MAGI2: variants seen among roughly 807,000 people sequenced by gnomAD.
MAGI2 encodes the protein membrane associated guanylate kinase, WW and PDZ domain containing 2, also known as membrane-associated guanylate kinase, WW and PDZ domain-containing protein 2.
A neutral mutation model predicts 133.3 loss-of-function variants in MAGI2; 35 were observed. That is an observed-to-expected ratio of 0.26 (90% CI 0.20 to 0.35). The LOEUF (loss-of-function observed/expected upper bound fraction) is 0.35, where lower values mean the gene tolerates loss of function less well. MAGI2 is among the 10% of genes least tolerant of loss of function. The pLI, the probability that MAGI2 is intolerant of heterozygous loss-of-function variation, is 1.00. For missense variants in MAGI2, 1,636 were observed against 1,863.4 expected (o/e 0.88, Z 2.25); for synonymous variants, 729 against 710.6 (o/e 1.03, Z -0.41).
rs145610661 is a variant in MAGI2 at position 78,783,787 on chromosome 7, A to G, written c.419-156548T>C. Among the ~76,000 whole-genome samples the G allele has an allele frequency of 4.5e-4, 69 of 152,334 alleles. 1 individual carries two copies. The East Asian group carries it at 9.3e-3, about 20-fold the overall frequency. ...GCTGTACTGACGAACACCTGTGTAC[A>G]TTGTTAAATAGCAAAATAACTACTG... On this transcript the variant is annotated intron_variant, in intron 2 of 21. Transcript: ENST00000354212.
chr7:78,977,497 AAGAAAGAAAGAAAGAAAG>A (rs1244544516), intron 2 of MAGI2, among the ~76,000 whole-genome samples: 5 of 51,276 alleles, frequency 9.8e-5, no homozygotes, highest in Non-Finnish European at 2.8e-4. Context: ...GAAAGAAAGA[AAGAAAGAAAGAAAGAAAG>A]AAAGAAAGAA....
At chr7:78,070,190 T>TACAC (rs1198393748) in intron 21 of MAGI2, among the ~76,000 whole-genome samples, 2 of 35,698 alleles carry the variant, frequency 5.6e-5, no homozygotes, top group African/African-American at 1.5e-4. Flanking sequence ...TATATATATA[T>TACAC]ATATATATAT....
chr7:78,613,212 A>C (rs562193952), intron 3 of MAGI2, among the ~76,000 whole-genome samples: 1 of 152,334 alleles, frequency 6.6e-6, no homozygotes, highest in East Asian at 1.9e-4. Flanking sequence ...GCCAAACTAC[A>C]CAATCTTCAT....
chr7:79,357,348 C>A (rs769615705), intron 1 of MAGI2, among the ~76,000 whole-genome samples: 61 of 152,082 alleles, frequency 4.0e-4, no homozygotes, highest in Non-Finnish European at 8.5e-4. Context: ...GGGCTCACAG[C>A]AGAGTAAGCT....
At chr7:78,797,376 G>A (rs1787702122) in intron 2 of MAGI2, among the ~76,000 whole-genome samples, 1 of 152,036 alleles carries the variant, frequency 6.6e-6, no homozygotes, top group African/African-American at 2.4e-5. Context: ...AATATATTAT[G>A]TGTGAGCTCT....
Position 78,412,385 on chromosome 7 carries a change from G to GAAT in MAGI2, c.1046-43175_1046-43173dup, listed in dbSNP as rs1797948385. On this transcript the variant is annotated intron_variant, in intron 6 of 21. Coordinates refer to ENST00000354212, the MANE Select transcript of MAGI2 (RefSeq NM_012301.4). ...GGCATAAATGATCACGGTGCTTGAG[G>GAAT]AATTACATGAGGAAGGGATTCCTTT... 2.0e-5 allele frequency among the ~76,000 whole-genome samples: 3 copies of GAAT among 152,150 alleles called. No individual in the cohort carries two copies. In the South Asian group the frequency reaches 6.2e-4, roughly 32 times the overall value.
At chr7:78,925,356 C>T (rs1799614189) in intron 2 of MAGI2, among the ~76,000 whole-genome samples, 1 of 152,018 alleles carries the variant, frequency 6.6e-6, no homozygotes, top group South Asian at 2.1e-4. Flanking sequence ...ATTTGATATA[C>T]TTTTAAAGTT....
At chr7:78,700,874 T>C (rs1265188779) in intron 2 of MAGI2, among the ~76,000 whole-genome samples, 2 of 151,774 alleles carry the variant, frequency 1.3e-5, no homozygotes, top group Non-Finnish European at 2.9e-5. Context: ...GCATAATTTT[T>C]ACTTAAGCAA....
chr7:78,994,616 A>G (rs1806105999), intron 2 of MAGI2, among the ~76,000 whole-genome samples: 1 of 152,124 alleles, frequency 6.6e-6, no homozygotes, highest in African/African-American at 2.4e-5. Context: ...AACATAATAC[A>G]TCACACAAAT....
chr7:79,284,981 A>G (rs1835900031), intron 1 of MAGI2, among the ~76,000 whole-genome samples: 1 of 151,954 alleles, frequency 6.6e-6, no homozygotes, highest in South Asian at 2.1e-4. Flanking sequence ...AAAAATTATA[A>G]ATAATATAAG....
intron 2 of MAGI2, among the ~76,000 whole-genome samples, chr7:78,982,206 G>A (rs552387354): frequency 6.6e-5 from 10 of 151,904 alleles, no homozygotes; most frequent in African/African-American, 2.4e-4. Context: ...ATTCTTTTGA[G>A]TTCTAAATAT....
At chr7:78,334,964 C>T (rs1436247119) in intron 9 of MAGI2, among the ~76,000 whole-genome samples, 1 of 152,106 alleles carries the variant, frequency 6.6e-6, no homozygotes, top group Non-Finnish European at 1.5e-5. Context: ...CAAACTAAGA[C>T]CCATGAGACA....
intron 6 of MAGI2, among the ~76,000 whole-genome samples, chr7:78,458,069 G>A (rs554045587): frequency 4.0e-5 from 6 of 151,526 alleles, no homozygotes; most frequent in African/African-American, 1.2e-4. Context: ...AGGCTAAGGC[G>A]GGCAGATCAT....
In MAGI2 at chr7:78,218,018, C is replaced by T. The variant is rs76593934; in HGVS notation, c.2048-16825G>A. On this transcript the variant is annotated intron_variant, in intron 10 of 21. Transcript: ENST00000354212. ...AAGTTGGAGACCCTCTGATGTCCCACATGGGCAGAACTAGGGTTGGAAAGA... is the reference window on the plus strand; with the variant it reads ...AAGTTGGAGACCCTCTGATGTCCCATATGGGCAGAACTAGGGTTGGAAAGA... 7.5e-4 allele frequency among the ~76,000 whole-genome samples: 115 copies of T among 152,356 alleles called. 1 individual carries two copies. In the East Asian group the frequency reaches 0.017, roughly 22 times the overall value.
intron 6 of MAGI2, among the ~76,000 whole-genome samples, chr7:78,409,501 T>C (rs1474925854): frequency 6.6e-6 from 1 of 152,102 alleles, no homozygotes; most frequent in African/African-American, 2.4e-5. Flanking sequence ...AAAGCTAAAT[T>C]AACTTTGAAG....
intron 2 of MAGI2, among the ~76,000 whole-genome samples, chr7:78,670,223 T>G (rs867561517): frequency 2.9e-4 from 44 of 152,154 alleles, no homozygotes; most frequent in Middle Eastern, 6.8e-3. Context: ...CTTCAGCAAA[T>G]TCTCAGGATA....
At chr7:78,832,058 A>G (rs897206529) in intron 2 of MAGI2, among the ~76,000 whole-genome samples, 7 of 152,122 alleles carry the variant, frequency 4.6e-5, no homozygotes, top group Non-Finnish European at 1.0e-4. Flanking sequence ...TGTTTTTCAG[A>G]ATAAGGGTTT....
At chr7:78,050,395 T>A (rs1410896720) in intron 21 of MAGI2, among the ~76,000 whole-genome samples, 2 of 152,230 alleles carry the variant, frequency 1.3e-5, no homozygotes, top group South Asian at 4.1e-4. Context: ...TAAGTCAGTA[T>A]TACAAAAAAA....
At chr7:78,320,459 T>C (rs909324551) in intron 9 of MAGI2, among the ~76,000 whole-genome samples, 8 of 152,190 alleles carry the variant, frequency 5.3e-5, no homozygotes, top group Non-Finnish European at 1.2e-4. Context: ...GATGCAAGAC[T>C]GGTTCAACAT....
Sources: gnomAD v4.1 joint callset for allele counts (sites outside exome capture counted in the v4.1 genomes callset) on GRCh38, gnomAD v4.1.1 for gene constraint, MANE v1.5 for transcripts, NCBI Gene and HGNC (gene_info 2026-07-23, HGNC 2026-07-21) for gene names.